Variants in EXT1 observed in about 807,000 individuals in gnomAD.
EXT1 encodes the protein exostosin-1.
In EXT1, 20 loss-of-function variants were observed where a neutral mutation model predicts 82.5. The ratio of observed to expected loss-of-function variants is 0.24; its 90% CI spans 0.17 to 0.35. The LOEUF (loss-of-function observed/expected upper bound fraction) is 0.35, where lower values mean the gene tolerates loss of function less well. Among genes scored for constraint, EXT1 ranks in the 10% least tolerant of loss-of-function variants. The pLI is 1.00. For synonymous variants in EXT1, 348 were observed against 350.8 expected, an observed-to-expected ratio of 0.99 and a Z score of 0.09; for missense variants, 757 against 936.5, an observed-to-expected ratio of 0.81 and a Z score of 2.50.
At position 117,794,539 on chromosome 8, in the gene EXT1, A is replaced by G. The variant is rs907738797; in HGVS notation, c.*5173T>C. On this transcript the variant is annotated 3_prime_UTR_variant, in exon 11 of 11. Coordinates refer to ENST00000378204, the MANE Select transcript of EXT1 (RefSeq NM_000127.3). ...AATTTCTTTTTTTTTTCTTCTATAA[A>G]TTGGAAGGAAAAAGTCTTTGGTGAC... 3.3e-5 allele frequency: 5 copies of G among 152,162 alleles called. No homozygotes were observed. The highest frequency in any genetic ancestry group is 3.3e-4 in the Admixed American group (5 of 15,272). The allele number at this position is 152,162 out of a possible 1,614,324, so 9.4% of individuals were successfully genotyped here. A position where few individuals can be genotyped will look rare whatever the true frequency, so the allele number is the denominator to read the frequency against.
intron 1 of EXT1, among the ~76,000 whole-genome samples, chr8:117,864,794 C>G (rs543346920): frequency 1.0e-4 from 15 of 150,654 alleles, no homozygotes; most frequent in African/African-American, 3.4e-4. Context: ...TCTCATAATG[C>G]TTCAGGAAAG....
chr8:118,015,296 G>A (rs563887223), intron 1 of EXT1, among the ~76,000 whole-genome samples: 11 of 152,262 alleles, frequency 7.2e-5, no homozygotes, highest in Middle Eastern at 3.4e-3. Flanking sequence ...ACAGAAACTC[G>A]AGAGAGGGGG....
chr8:117,921,117 T>C (rs935993378), intron 1 of EXT1, among the ~76,000 whole-genome samples: 4 of 152,232 alleles, frequency 2.6e-5, no homozygotes, highest in African/African-American at 9.6e-5. Context: ...AGTAACATCC[T>C]GGTGAGGCTG....
chr8:118,111,144 T>C lies in EXT1; in HGVS notation c.-98A>G. Reference sequence around the variant, plus strand: ...CTCCAGTCCGCCATCTTCCCGCCTGTAAAGACTTCAAACTCTCCGCTCCCA... The same window carrying C: ...CTCCAGTCCGCCATCTTCCCGCCTGCAAAGACTTCAAACTCTCCGCTCCCA... On this transcript the variant is annotated 5_prime_UTR_variant, in exon 1 of 11. Transcript: ENST00000378204. 9 of 1,509,564 alleles carry C rather than the reference T, an allele frequency of 6.0e-6. No homozygotes were observed. Among genetic ancestry groups the C allele is most frequent in the Non-Finnish European group, 8.0e-6 (9 of 1,123,860 alleles). The allele number at this position is 1,509,564 out of a possible 1,614,324, so 93.5% of individuals were successfully genotyped here. A position where few individuals can be genotyped will look rare whatever the true frequency, so the allele number is the denominator to read the frequency against.
chr8:117,983,062 T>G (rs1415243649), intron 1 of EXT1, among the ~76,000 whole-genome samples: 1 of 152,234 alleles, frequency 6.6e-6, no homozygotes, highest in Non-Finnish European at 1.5e-5. Flanking sequence ...ATGGTTTCTC[T>G]CTCCCGAACA....
intron 8 of EXT1, among the ~76,000 whole-genome samples, chr8:117,810,231 T>C (rs1823298595): frequency 6.6e-6 from 1 of 152,184 alleles, no homozygotes; most frequent in Non-Finnish European, 1.5e-5. Context: ...AAATCCATCC[T>C]TAATGCTGCA....
chr8:118,042,272 A>G (rs767924088), intron 1 of EXT1, among the ~76,000 whole-genome samples: 6 of 151,966 alleles, frequency 3.9e-5, no homozygotes, highest in South Asian at 2.1e-4. Flanking sequence ...TCTTTCCCAA[A>G]TCCACCTTGG....
At chr8:117,861,079 A>G (rs879918141) in intron 1 of EXT1, among the ~76,000 whole-genome samples, 5 of 152,218 alleles carry the variant, frequency 3.3e-5, no homozygotes, top group Non-Finnish European at 5.9e-5. Flanking sequence ...TCATCTACCC[A>G]CTGGAACTAT....
chr8:117,889,796 A>C (rs1321998083), intron 1 of EXT1, among the ~76,000 whole-genome samples: 3 of 152,192 alleles, frequency 2.0e-5, no homozygotes. Flanking sequence ...CAAAGTTATA[A>C]AATCATCGTG....
At position 118,111,703 on chromosome 8, in the gene EXT1, CGGCGGCGGCGGCGCTGGGT is replaced by C. The variant is rs937343061; in HGVS notation, c.-676_-658del. 5.2e-4 allele frequency: 83 copies of C among 158,140 alleles called. 1 individual carries two copies. The highest frequency in any genetic ancestry group is 2.4e-3 in the South Asian group (14 of 5,726). The allele number at this position is 158,140 out of a possible 1,614,324, so 9.8% of individuals were successfully genotyped here. A position where few individuals can be genotyped will look rare whatever the true frequency, so the allele number is the denominator to read the frequency against. ...CGCGCGGCGGCCCGGCTGGAGGCGG[CGGCGGCGGCGGCGCTGGGT>C]GGCGGCGGCGGCGCGTCCTCCCCGC... On this transcript the variant is annotated 5_prime_UTR_variant, in exon 1 of 11. Coordinates refer to ENST00000378204, the MANE Select transcript of EXT1 (RefSeq NM_000127.3).
intron 1 of EXT1, among the ~76,000 whole-genome samples, chr8:117,959,089 AT>A (rs1814644902): frequency 6.6e-6 from 1 of 152,174 alleles, no homozygotes; most frequent in Admixed American, 6.5e-5. Context: ...ACTTCCTCCA[AT>A]TAGCATCACA....
chr8:118,058,255 G>A (rs1229435751), intron 1 of EXT1, among the ~76,000 whole-genome samples: 3 of 152,112 alleles, frequency 2.0e-5, no homozygotes, highest in Admixed American at 2.0e-4. Context: ...AGGTTTGAAA[G>A]TAATATACTT....
chr8:117,946,379 GCT>G (rs10562535), intron 1 of EXT1, among the ~76,000 whole-genome samples: 74,836 of 151,850 alleles, frequency 0.49, 20,386 homozygotes, highest in Admixed American at 0.65. Flanking sequence ...TTATGTCAAC[GCT>G]CTGAGGGAGG....
chr8:117,878,229 A>C (rs551350520), intron 1 of EXT1, among the ~76,000 whole-genome samples: 1 of 152,292 alleles, frequency 6.6e-6, no homozygotes, highest in South Asian at 2.1e-4. Context: ...AATAGAGATC[A>C]CACCATTGCA....
chr8:118,079,318 G>A (rs1334797465), intron 1 of EXT1, among the ~76,000 whole-genome samples: 2 of 152,198 alleles, frequency 1.3e-5, no homozygotes, highest in East Asian at 3.8e-4. Context: ...ACAAGTTGGA[G>A]GCTAATTTCC....
intron 1 of EXT1, among the ~76,000 whole-genome samples, chr8:117,867,652 T>A (rs919724665): frequency 1.3e-5 from 2 of 151,994 alleles, no homozygotes; most frequent in African/African-American, 4.8e-5. Context: ...ACAAAGAGAC[T>A]GTGACTCCTT....
chr8:117,905,769 G>A (rs1320382810), intron 1 of EXT1, among the ~76,000 whole-genome samples: 1 of 152,156 alleles, frequency 6.6e-6, no homozygotes, highest in African/African-American at 2.4e-5. Flanking sequence ...CCGAGATCGC[G>A]CCACTGCAGT....
At chr8:118,109,635 T>C (rs1275348224) in intron 1 of EXT1, among the ~76,000 whole-genome samples, 1 of 152,048 alleles carries the variant, frequency 6.6e-6, no homozygotes, top group Non-Finnish European at 1.5e-5. Flanking sequence ...GGAAAGTAGG[T>C]ACCCCCGCTC....
chr8:118,064,913 G>A (rs902716173), intron 1 of EXT1, among the ~76,000 whole-genome samples: 3 of 148,780 alleles, frequency 2.0e-5, no homozygotes, highest in African/African-American at 5.0e-5. Context: ...GTTGCAGTGG[G>A]ACAATCTCGG....
Sources: allele counts gnomAD v4.1 joint callset (sites outside exome capture counted in the v4.1 genomes callset), GRCh38; gene constraint gnomAD v4.1.1; transcripts MANE v1.5; gene names NCBI Gene and HGNC (gene_info 2026-07-23, HGNC 2026-07-21).